Variants in BMPER observed in about 807,000 individuals in gnomAD.
BMPER encodes the protein BMP binding endothelial regulator.
Under a neutral mutation model 87.3 loss-of-function variants are expected in BMPER, and 45 were observed. The observed-to-expected ratio is 0.52, with a 90% CI of 0.41 to 0.66. The LOEUF (loss-of-function observed/expected upper bound fraction) is 0.66, where lower values mean the gene tolerates loss of function less well. Among genes scored for constraint, BMPER ranks in the 30% least tolerant of loss-of-function variants. The pLI, the probability that BMPER is intolerant of heterozygous loss-of-function variation, is 0.00. For missense variants in BMPER, 784 were observed against 867.5 expected (o/e 0.90, Z 1.21); for synonymous variants, 326 against 316.2 (o/e 1.03, Z -0.33).
chr7:34,103,078 A>G (rs1222336066), intron 13 of BMPER, among the ~76,000 whole-genome samples: 2 of 152,186 alleles, frequency 1.3e-5, no homozygotes, highest in Admixed American at 6.5e-5. Flanking sequence ...GCACTGAAGG[A>G]TCCTCTGGGA....
At chr7:33,984,350 C>T (rs1465387990) in intron 6 of BMPER, among the ~76,000 whole-genome samples, 11 of 151,960 alleles carry the variant, frequency 7.2e-5, no homozygotes, top group Non-Finnish European at 1.6e-4. Flanking sequence ...CCTGTAATCC[C>T]AGCTATTCAA....
chr7:34,028,601 G>GTTTTT, intron 6 of BMPER, among the ~76,000 whole-genome samples: 511 of 36,042 alleles, frequency 0.014, 58 homozygotes, highest in African/African-American at 0.019. Context: ...CATTTTTTCT[G>GTTTTT]TTTTTTTTTT....
At chr7:33,986,396 G>A (rs1786013062) in intron 6 of BMPER, among the ~76,000 whole-genome samples, 2 of 152,214 alleles carry the variant, frequency 1.3e-5, no homozygotes, top group African/African-American at 2.4e-5. Flanking sequence ...TTACACATAG[G>A]AAACAGTGAA....
chr7:33,927,463 CTCT>C (rs1784387981), intron 2 of BMPER, among the ~76,000 whole-genome samples: 1 of 152,170 alleles, frequency 6.6e-6, no homozygotes, highest in African/African-American at 2.4e-5. Flanking sequence ...TACATGCTCA[CTCT>C]TCTTCTACCC....
intron 3 of BMPER, among the ~76,000 whole-genome samples, chr7:33,942,267 T>G (rs1784789039): frequency 6.6e-6 from 1 of 152,152 alleles, no homozygotes; most frequent in Admixed American, 6.5e-5. Context: ...CCCTGTATAA[T>G]AGTAGTCAGC....
chr7:34,113,668 T>G (rs1373531778), intron 13 of BMPER, among the ~76,000 whole-genome samples: 1 of 152,118 alleles, frequency 6.6e-6, no homozygotes, highest in Non-Finnish European at 1.5e-5. Context: ...TTCTTCATCA[T>G]GCGCCAGGTA....
intron 2 of BMPER, among the ~76,000 whole-genome samples, chr7:33,914,706 T>A (rs923996793): frequency 3.9e-5 from 6 of 151,974 alleles, no homozygotes; most frequent in Non-Finnish European, 5.9e-5. Flanking sequence ...ATTGAGATTT[T>A]AAAAAAATGG....
intron 6 of BMPER, among the ~76,000 whole-genome samples, chr7:34,003,643 A>T (rs1422232454): frequency 1.3e-5 from 2 of 152,002 alleles, no homozygotes; most frequent in East Asian, 3.9e-4. Context: ...ATTTTTATTT[A>T]CTTGGTAATG....
intron 2 of BMPER, among the ~76,000 whole-genome samples, chr7:33,911,080 A>C (rs1585626927): frequency 6.6e-6 from 1 of 152,204 alleles, no homozygotes; most frequent in East Asian, 1.9e-4. Flanking sequence ...AAATACATAG[A>C]TTGCCTTGCT....
At chr7:33,910,073 G>T (rs1350612588) in intron 2 of BMPER, among the ~76,000 whole-genome samples, 2 of 152,164 alleles carry the variant, frequency 1.3e-5, no homozygotes, top group Non-Finnish European at 2.9e-5. Context: ...AAAAGCTTCA[G>T]TTCATCTATT....
At chr7:33,978,386 A>T (rs1463348074) in intron 6 of BMPER, among the ~76,000 whole-genome samples, 1 of 152,240 alleles carries the variant, frequency 6.6e-6, no homozygotes, top group Non-Finnish European at 1.5e-5. Flanking sequence ...TTGTTATAAT[A>T]GTACGAATAG....
At chr7:34,137,583 A>G (rs1790751893) in intron 13 of BMPER, among the ~76,000 whole-genome samples, 1 of 152,244 alleles carries the variant, frequency 6.6e-6, no homozygotes, top group Admixed American at 6.5e-5. Context: ...TAAGAAAGGT[A>G]TGAAGGACAT....
chr7:33,985,681 T>C (rs575435300), intron 6 of BMPER, among the ~76,000 whole-genome samples: 1 of 152,274 alleles, frequency 6.6e-6, no homozygotes, highest in African/African-American at 2.4e-5. Flanking sequence ...TTTCATGGCA[T>C]TTGGCTTCTG....
chr7:33,917,829 GACC>G, intron 2 of BMPER, among the ~76,000 whole-genome samples: 1 of 152,166 alleles, frequency 6.6e-6, no homozygotes, highest in South Asian at 2.1e-4. Context: ...CCTATTTTTA[GACC>G]CTGTGTGGTC....
chr7:34,150,811 C>G (rs1485736513), intron 14 of BMPER, among the ~76,000 whole-genome samples: 1 of 152,180 alleles, frequency 6.6e-6, no homozygotes, highest in South Asian at 2.1e-4. Flanking sequence ...AGAAACAGAA[C>G]AGTGTTCCCC....
At chr7:33,924,013 C>CCTGGTGTCTACCTG (rs1784298503) in intron 2 of BMPER, among the ~76,000 whole-genome samples, 1 of 152,180 alleles carries the variant, frequency 6.6e-6, no homozygotes, top group Admixed American at 6.5e-5. Flanking sequence ...CATCTGTCCA[C>CCTGGTGTCTACCTG]GTGTCTACCT....
intron 3 of BMPER, among the ~76,000 whole-genome samples, chr7:33,955,531 T>C (rs1191928428): frequency 6.6e-6 from 1 of 152,168 alleles, no homozygotes; most frequent in Non-Finnish European, 1.5e-5. Flanking sequence ...ATGCCCTTAG[T>C]CCTTGGACTA....
chr7:34,031,784 GTTTA>G (rs1787522113), intron 6 of BMPER, among the ~76,000 whole-genome samples: 6 of 150,348 alleles, frequency 4.0e-5, no homozygotes, highest in Admixed American at 3.3e-4. Flanking sequence ...AAATAGCATT[GTTTA>G]GAGATAAAAT....
intron 11 of BMPER, among the ~76,000 whole-genome samples, chr7:34,065,432 C>A (rs990215506): frequency 1.3e-5 from 2 of 152,170 alleles, no homozygotes; most frequent in Admixed American, 6.5e-5. Context: ...TCAAAAATAT[C>A]TCCAGATACT....
Sources: gnomAD v4.1 joint callset for allele counts (sites outside exome capture counted in the v4.1 genomes callset) on GRCh38, gnomAD v4.1.1 for gene constraint, MANE v1.5 for transcripts, NCBI Gene and HGNC (gene_info 2026-07-23, HGNC 2026-07-21) for gene names.